SFMBT2: variants seen among roughly 807,000 people sequenced by gnomAD.
The protein encoded by SFMBT2 is scm-like with four MBT domains protein 2.
In SFMBT2, 38 loss-of-function variants were observed where a neutral mutation model predicts 110.1. That is an observed-to-expected ratio of 0.35 (90% confidence interval 0.27 to 0.45). The LOEUF (loss-of-function observed/expected upper bound fraction) is 0.45, where lower values mean the gene tolerates loss of function less well. Among genes scored for constraint, SFMBT2 ranks in the 20% least tolerant of loss-of-function variants. The pLI is 1.00. For missense variants in SFMBT2, 1,011 were observed against 1,094.9 expected (o/e 0.92, Z 1.08); for synonymous variants, 425 against 425.4 (o/e 1.00, Z 0.01).
chr10:7,189,436 A>G (rs1182379960), intron 15 of SFMBT2, among the ~76,000 whole-genome samples: 1 of 152,142 alleles, frequency 6.6e-6, no homozygotes, highest in Non-Finnish European at 1.5e-5. Context: ...CTGGGGAGAT[A>G]CGATGTTCCT....
At chr10:7,393,022 TATATATATATATAA>T (rs1379646687) in intron 1 of SFMBT2, among the ~76,000 whole-genome samples, 2,128 of 73,688 alleles carry the variant, frequency 0.029, 96 homozygotes, top group African/African-American at 0.13. Context: ...TATATATATA[TATATATATATATAA>T]TTTTTTTTTT....
intron 7 of SFMBT2, chr10:7,249,202 A>T: frequency 4.1e-6 from 1 of 243,660 alleles, no homozygotes; most frequent in Non-Finnish European, 6.6e-6. Context: ...GTAAGAATCC[A>T]AACCTGCCCC....
At position 7,284,048 on chromosome 10, in the gene SFMBT2, C is replaced by T; in HGVS notation, c.628G>A (p.Glu210Lys). The change falls in exon 6 of 21, where the codon GAA becomes AAA. Residue 210 changes from glutamate to lysine, a missense_variant. Physicochemically the swap from Glu to Lys is moderately conservative, Grantham distance 56. Around this residue, in one of 2 missense-constraint regions of SFMBT2, gnomAD observed 979 missense variants for 1,016.1 expected, o/e 0.96. Transcript: ENST00000397167. Reference protein sequence around the residue: ...PFQYWIVSVIENVGGRLRLRY... With the variant: ...PFQYWIVSVIKNVGGRLRLRY... ...AGGCGTAATCTTCCTCCAACATTTT[C>T]AATCACACTAACTATCCAGTACTGA... The T allele has an allele frequency of 1.2e-6, 2 of 1,614,200 alleles. No individual in the cohort carries two copies. Among genetic ancestry groups the T allele is most frequent in the Non-Finnish European group, 1.7e-6 (2 of 1,180,028 alleles).
At chr10:7,374,752 C>G (rs1845154184) in intron 2 of SFMBT2, among the ~76,000 whole-genome samples, 1 of 152,146 alleles carries the variant, frequency 6.6e-6, no homozygotes, top group African/African-American at 2.4e-5. Flanking sequence ...AAACTCAAAC[C>G]TTCATGCCCA....
chr10:7,390,368 A>T (rs1234663189), intron 1 of SFMBT2, among the ~76,000 whole-genome samples: 2 of 152,204 alleles, frequency 1.3e-5, no homozygotes, highest in Non-Finnish European at 2.9e-5. Context: ...TAAATCTAAG[A>T]AACTTCAAAA....
intron 4 of SFMBT2, among the ~76,000 whole-genome samples, chr10:7,345,248 C>T (rs1308755806): frequency 2.0e-5 from 3 of 152,176 alleles, no homozygotes; most frequent in African/African-American, 4.8e-5. Flanking sequence ...TAGCTTCAAA[C>T]GACCTCTCTA....
chr10:7,269,743 T>A (rs1205345567), intron 7 of SFMBT2, among the ~76,000 whole-genome samples: 1 of 151,302 alleles, frequency 6.6e-6, no homozygotes, highest in Non-Finnish European at 1.5e-5. Flanking sequence ...TGTGTGTGTG[T>A]GTGTGTGTGT....
chr10:7,312,579 A>G (rs900041887), intron 4 of SFMBT2, among the ~76,000 whole-genome samples: 22 of 152,194 alleles, frequency 1.4e-4, no homozygotes, highest in African/African-American at 4.8e-4. Flanking sequence ...TGTTTCACCC[A>G]CTCACAGGGG....
At chr10:7,212,988 C>A (rs918111362) in intron 11 of SFMBT2, among the ~76,000 whole-genome samples, 1 of 152,092 alleles carries the variant, frequency 6.6e-6, no homozygotes, top group Admixed American at 6.5e-5. Context: ...GAACAGAAAA[C>A]CAAACACTGT....
chr10:7,166,608 C>T (rs764197471), intron 20 of SFMBT2, among the ~76,000 whole-genome samples: 6 of 152,144 alleles, frequency 3.9e-5, no homozygotes, highest in Admixed American at 2.6e-4. Context: ...TGGAGGGTGG[C>T]AGACAAGTAA....
At chr10:7,254,661 G>GA (rs550811740) in intron 7 of SFMBT2, among the ~76,000 whole-genome samples, 42 of 150,576 alleles carry the variant, frequency 2.8e-4, no homozygotes, top group African/African-American at 8.5e-4. Context: ...CTCTACTAAA[G>GA]AAAAAAAAAT....
intron 1 of SFMBT2, among the ~76,000 whole-genome samples, chr10:7,409,951 C>G (rs1846327829): frequency 6.6e-6 from 1 of 151,624 alleles, no homozygotes; most frequent in African/African-American, 2.4e-5. Flanking sequence ...GATCCCCCAG[C>G]TCCCTCCAGC....
chr10:7,169,366 G>T (rs1332538414), intron 20 of SFMBT2, among the ~76,000 whole-genome samples: 1 of 152,154 alleles, frequency 6.6e-6, no homozygotes, highest in Non-Finnish European at 1.5e-5. Context: ...CGGGACACAG[G>T]GGAAAGAACT....
intron 4 of SFMBT2, among the ~76,000 whole-genome samples, chr10:7,346,806 A>C: frequency 7.0e-6 from 1 of 142,920 alleles, no homozygotes; most frequent in East Asian, 2.0e-4. Context: ...CTCCTTCTCT[A>C]TTAAAGATAC....
intron 20 of SFMBT2, among the ~76,000 whole-genome samples, chr10:7,165,055 G>A (rs924304385): frequency 2.6e-5 from 4 of 152,038 alleles, no homozygotes; most frequent in East Asian, 1.9e-4. Flanking sequence ...TCATTTGACC[G>A]GACTGCTGAC....
chr10:7,213,366 G>A (rs553770926), intron 11 of SFMBT2, among the ~76,000 whole-genome samples: 14 of 152,290 alleles, frequency 9.2e-5, no homozygotes, highest in African/African-American at 2.9e-4. Flanking sequence ...GCAGGTAGGA[G>A]GCGGCTGAAA....
chr10:7,258,213 G>A lies in SFMBT2; in HGVS notation c.871-9564C>T, dbSNP rs570793478. ...ATCCCAAAGTGCTGGGATTACAGGC[G>A]TGAGCCACCGTGCCTGGCTCCAGGA... On this transcript the variant is annotated intron_variant, in intron 7 of 20. Coordinates refer to ENST00000397167, the MANE Select transcript of SFMBT2 (RefSeq NM_001387889.1). Among the ~76,000 whole-genome samples the A allele has an allele frequency of 7.2e-5, 11 of 152,282 alleles. No homozygotes were observed. In the East Asian group the frequency reaches 9.6e-4, roughly 13 times the overall value.
At chr10:7,254,152 C>T (rs1424635161) in intron 7 of SFMBT2, among the ~76,000 whole-genome samples, 2 of 152,158 alleles carry the variant, frequency 1.3e-5, no homozygotes, top group African/African-American at 2.4e-5. Flanking sequence ...CTACGTGGCT[C>T]ACCCAAGAAA....
At chr10:7,315,115 C>A (rs139477990) in intron 4 of SFMBT2, among the ~76,000 whole-genome samples, 5,190 of 113,778 alleles carry the variant, frequency 0.046, 149 homozygotes, top group Non-Finnish European at 0.062. Flanking sequence ...AAAGAAAAAG[C>A]AAGCAAGCAA....
Sources: gnomAD v4.1 joint callset for allele counts (sites outside exome capture counted in the v4.1 genomes callset) on GRCh38, gnomAD v4.1.1 for gene constraint, gnomAD v4.1.1 regional missense constraint, MANE v1.5 for transcripts, NCBI Gene and HGNC (gene_info 2026-07-23, HGNC 2026-07-21) for gene names.